Variants in TERF1 observed in about 807,000 individuals in gnomAD.
TERF1 encodes telomeric repeat binding factor 1.
TERF1 carries 20 observed loss-of-function variants against 55.1 expected under a neutral mutation model. That is an observed-to-expected ratio of 0.36 (90% CI 0.26 to 0.53). The LOEUF (loss-of-function observed/expected upper bound fraction) is 0.53, where lower values mean the gene tolerates loss of function less well. TERF1 is among the 20% of genes least tolerant of loss of function. The pLI, the probability that TERF1 is intolerant of heterozygous loss-of-function variation, is 0.91. For missense variants in TERF1, 439 were observed against 535.7 expected (o/e 0.82, Z 1.78); for synonymous variants, 168 against 181.2 (o/e 0.93, Z 0.59).
intron 2 of TERF1, among the ~76,000 whole-genome samples, chr8:73,017,141 CTA>C (rs1808545593): frequency 6.6e-6 from 1 of 152,088 alleles, no homozygotes; most frequent in African/African-American, 2.4e-5. Flanking sequence ...ACATTTTTCT[CTA>C]TGTCACATTT....
intron 5 of TERF1, 53 bp downstream of exon 5, chr8:73,025,024 A>G (rs1808920424): frequency 1.9e-6 from 2 of 1,077,970 alleles, no homozygotes; most frequent in Non-Finnish European, 2.6e-6. Flanking sequence ...AAACGTTATA[A>G]TAAAGGAGAA....
At chr8:73,014,913 G>T (rs966751462) in intron 2 of TERF1, among the ~76,000 whole-genome samples, 1 of 152,194 alleles carries the variant, frequency 6.6e-6, no homozygotes, top group African/African-American at 2.4e-5. Flanking sequence ...AGAGCCATAG[G>T]TAGGCCTGGG....
At chr8:73,036,378 G>A (rs1352979334) in intron 8 of TERF1, among the ~76,000 whole-genome samples, 1 of 152,140 alleles carries the variant, frequency 6.6e-6, no homozygotes, top group Non-Finnish European at 1.5e-5. Context: ...TGGACTACCT[G>A]TCTTAACACA....
chr8:73,041,868 T>C (rs2129916331), intron 9 of TERF1, among the ~76,000 whole-genome samples: 1 of 152,240 alleles, frequency 6.6e-6, no homozygotes, highest in East Asian at 1.9e-4. Context: ...CTCTGAAGCT[T>C]ATCCACACGG....
chr8:73,012,604 C>T lies in TERF1; in HGVS notation c.320-1291C>T, dbSNP rs574393485. The stretch of plus-strand genomic sequence containing the variant: ...AGAAGAATGGCATGAACCTGGGAGG[C>T]GGAGCTTGCAGTGAGTGGAGATGCA... On this transcript the variant is annotated intron_variant, in intron 1 of 9. Transcript: ENST00000276603. 9.7e-5 allele frequency: 16 copies of T among 165,396 alleles called. No homozygotes were observed. In the East Asian group the frequency reaches 1.9e-3, roughly 19 times the overall value. 10.2% of individuals were successfully genotyped at this position (165,396 alleles called of 1,614,324 possible).
In TERF1 at chr8:73,037,735, TG is replaced by T. The variant is rs1563471984; in HGVS notation, c.1040-1380del. On this transcript the variant is annotated intron_variant, in intron 8 of 9. Transcript: ENST00000276603. ...TATATATAATATATATTATATAGTA[TG>T]AAATATATATTATATATAATATTAT... 1.3e-4 allele frequency among the ~76,000 whole-genome samples: 11 copies of T among 87,712 alleles called. No individual in the cohort carries two copies. In the East Asian group the frequency reaches 1.3e-3, roughly 11 times the overall value. The allele number at this position is 87,712 out of a possible 152,430, so 57.5% of individuals were successfully genotyped here. A position where few individuals can be genotyped will look rare whatever the true frequency, so the allele number is the denominator to read the frequency against.
rs887638153 is a variant in TERF1, at chr8:73,024,780, T to G, written c.625-42T>G. The stretch of plus-strand genomic sequence containing the variant: ...TGACAAAAATCGTTGTATCTGTAAC[T>G]TTGTGTGATTTATGTTAATATATTT... On this transcript the variant is annotated intron_variant, in intron 4 of 9. Coordinates refer to ENST00000276603, the MANE Select transcript of TERF1 (RefSeq NM_017489.3). 2.8e-6 allele frequency: 4 copies of G among 1,414,580 alleles called. No individual in the cohort carries two copies. The African/African-American group carries it at 5.9e-5, about 21-fold the overall frequency. The allele number at this position is 1,414,580 out of a possible 1,614,324, so 87.6% of individuals were successfully genotyped here. A position where few individuals can be genotyped will look rare whatever the true frequency, so the allele number is the denominator to read the frequency against.
chr8:73,025,993 G>C (rs1030868186), intron 5 of TERF1, among the ~76,000 whole-genome samples: 3 of 151,366 alleles, frequency 2.0e-5, no homozygotes, highest in Non-Finnish European at 4.4e-5. Context: ...CCAGGAGTTT[G>C]AGACCAGCCT....
chr8:73,030,100 G>A (rs1386115042), intron 6 of TERF1: 1 of 351,784 alleles, frequency 2.8e-6, no homozygotes, highest in African/African-American at 2.1e-5. Flanking sequence ...ATAAATGCTT[G>A]ACTACACCAT....
Position 73,022,288 on chromosome 8 carries a change from C to A in TERF1, c.610C>A (p.Pro204Thr), listed in dbSNP as rs1174154345. ...EEVFERIFGD[P>T]NSHMPFKSKL... ...AGTCTTTGAAAGAATATTTGGTGATCCAAATTCTCATATGGTAATTATTTA... is the reference window on the plus strand; with the variant it reads ...AGTCTTTGAAAGAATATTTGGTGATACAAATTCTCATATGGTAATTATTTA... The change falls in exon 4 of 10, where the codon CCA (proline) becomes ACA (threonine). Residue 204 changes from proline to threonine, a missense_variant. Physicochemically the swap from Pro to Thr is conservative, Grantham distance 38. Transcript: ENST00000276603. 3.2e-6 allele frequency: 5 copies of A among 1,577,184 alleles called. No homozygotes were observed. The highest frequency in any genetic ancestry group is 1.2e-5 in the South Asian group (1 of 84,474).
In TERF1 at chr8:73,046,884, T is replaced by C. The variant is rs928957826; in HGVS notation, c.*747T>C. 1 of 152,202 alleles carries C rather than the reference T, an allele frequency of 6.6e-6. No individual in the cohort carries two copies. The highest frequency in any genetic ancestry group is 2.4e-5 in the African/African-American group (1 of 41,464). The allele number at this position is 152,202 out of a possible 1,614,324, so 9.4% of individuals were successfully genotyped here. Reference sequence around the variant, plus strand: ...TGGCCTTAATATACTACTTAATTACTTAAGATGTTTATTAATAGAATGATA... The same window carrying C: ...TGGCCTTAATATACTACTTAATTACCTAAGATGTTTATTAATAGAATGATA... On this transcript the variant is annotated 3_prime_UTR_variant, in exon 10 of 10. Transcript: ENST00000276603.
At chr8:73,042,372 T>A (rs1369677180) in intron 9 of TERF1, among the ~76,000 whole-genome samples, 1 of 152,236 alleles carries the variant, frequency 6.6e-6, no homozygotes, top group African/African-American at 2.4e-5. Flanking sequence ...GGCCTGGTTT[T>A]ATTTTTTAGC....
At chr8:73,024,689 CTT>C in intron 4 of TERF1, 131 bp from the exon 5 acceptor site, 1 of 673,082 alleles carries the variant, frequency 1.5e-6, no homozygotes, top group East Asian at 3.0e-5. Context: ...CCATTTAAAA[CTT>C]AATTTTAAAA....
chr8:73,016,864 GTC>G (rs1484666964), intron 2 of TERF1, among the ~76,000 whole-genome samples: 1 of 152,166 alleles, frequency 6.6e-6, no homozygotes. Flanking sequence ...CTCCAGTAAA[GTC>G]TCTCTGGCTG....
rs1223941233 is a variant in TERF1, at chr8:73,020,685, T to C, written c.417T>C (p.Asp139=). 1 of 1,591,954 alleles carries C rather than the reference T, an allele frequency of 6.3e-7. No individual in the cohort carries two copies. The highest frequency in any genetic ancestry group is 2.2e-5 in the East Asian group (1 of 44,600). ...TTATTTTTGTTCTGTTTTTAAAAGA[T>C]GCACAGTTTGAAAATGATGAACGAA... is the stretch of plus-strand genomic sequence containing the variant. ...LTRIAAGKTL[D]AQFENDERIT... Residue 139 remains aspartate, a splice_region_variant and synonymous_variant, in exon 3 of 10, where the codon GAT becomes GAC. Transcript: ENST00000276603.
At chr8:73,012,065 C>T (rs1680577527) in intron 1 of TERF1, 1 of 152,198 alleles carries the variant, frequency 6.6e-6, no homozygotes, top group Non-Finnish European at 1.5e-5. Flanking sequence ...ACTTGCAACT[C>T]TTCCTTTCAC....
Position 73,032,128 on chromosome 8 carries a change from C to T in TERF1, c.1034C>T (p.Pro345Leu), listed in dbSNP as rs1322116521. 2 of 1,607,760 alleles carry T rather than the reference C, an allele frequency of 1.2e-6. No homozygotes were observed. The highest frequency in any genetic ancestry group is 1.7e-5 in the Admixed American group (1 of 59,738). The part of the protein sequence containing the change: ...LNKKERRVGT[P>L]QSTKKKKESR... ...AAGAAAGAAAGAAGAGTAGGAACTC[C>T]TCAAAGTGAGTACTGTTATAACAGT... The change falls in exon 8 of 10, where the codon CCT (proline) becomes CTT (leucine). Residue 345 changes from proline (P) to leucine (L), a missense_variant. Physicochemically the swap from Pro to Leu is moderately conservative, Grantham distance 98. Transcript: ENST00000276603.
chr8:73,043,327 A>G (rs1809906196), intron 9 of TERF1: 1 of 152,202 alleles, frequency 6.6e-6, no homozygotes, highest in South Asian at 2.1e-4. Context: ...AAATAACACT[A>G]TATCAAGCTA....
At chr8:73,034,796 A>G (rs1809439409) in intron 8 of TERF1, among the ~76,000 whole-genome samples, 1 of 150,576 alleles carries the variant, frequency 6.6e-6, no homozygotes. Flanking sequence ...TTTTTTTATC[A>G]TCTCCATTAT....
Sources: allele counts gnomAD v4.1 joint callset (sites outside exome capture counted in the v4.1 genomes callset), GRCh38; gene constraint gnomAD v4.1.1; transcripts MANE v1.5; gene names NCBI Gene and HGNC (gene_info 2026-07-23, HGNC 2026-07-21).